Variants in PKHD1 observed in about 807,000 individuals in gnomAD.
The protein encoded by PKHD1 is fibrocystin.
A neutral mutation model predicts 412.0 loss-of-function variants in PKHD1; 291 were observed. That is an observed-to-expected ratio of 0.71 (90% CI 0.64 to 0.78). The LOEUF is 0.78. PKHD1 is among the 30% of genes least tolerant of loss of function. PKHD1 has a pLI of 0.00. For synonymous variants in PKHD1, 1,777 were observed against 1,821.5 expected (o/e 0.98, Z 0.62); for missense variants, 4,825 against 4,950.7 (o/e 0.97, Z 0.76).
At chr6:52,058,895 C>T (rs1414898956) in intron 15 of PKHD1, among the ~76,000 whole-genome samples, 1 of 152,092 alleles carries the variant, frequency 6.6e-6, no homozygotes, top group Non-Finnish European at 1.5e-5. Flanking sequence ...GATTACATGA[C>T]ACTATGGAGA....
rs749769981 is a variant in PKHD1 at position 51,906,233 on chromosome 6, C to T, written c.6790G>A (p.Gly2264Ser). Residue 2264 changes from glycine (G) to serine (S), a missense_variant, in exon 41 of 67, where the codon GGT (glycine) becomes AGT (serine). Physicochemically the swap from Gly to Ser is moderately conservative, Grantham distance 56. Transcript: ENST00000371117. Reference protein sequence around the residue: ...VDSNVFYNILGHALLVGTCTE... With the variant: ...VDSNVFYNILSHALLVGTCTE... The stretch of plus-strand genomic sequence containing the variant: ...TACTTACCAACTAGCAGCGCATGAC[C>T]TAAAATATTGTAGAATACATTACTG... 1 of 1,612,154 alleles carries T rather than the reference C, an allele frequency of 6.2e-7. No individual in the cohort carries two copies. The highest frequency in any genetic ancestry group is 1.7e-5 in the Admixed American group (1 of 59,900).
Position 52,035,624 on chromosome 6 carries a change from A to G in PKHD1, c.3195T>C (p.Asn1065=), listed in dbSNP as rs1439238243. Residue 1065 remains asparagine, a synonymous_variant, in exon 28 of 67, where the codon AAT becomes AAC. Transcript: ENST00000371117. ...GAACTTTGCACTGAATTCTGCTTGA[A>G]TTGCTTGTAGCGACATTGATGGCAC... The part of the protein sequence containing the change: ...YSCAINVATS[N]SSRIQCKVPP... The G allele has an allele frequency of 6.2e-7, 1 of 1,614,066 alleles. No individual in the cohort carries two copies. Among genetic ancestry groups the G allele is most frequent in the African/African-American group, 1.3e-5 (1 of 75,034 alleles).
At chr6:51,897,170 A>G (rs1481158859) in intron 43 of PKHD1, among the ~76,000 whole-genome samples, 1 of 152,180 alleles carries the variant, frequency 6.6e-6, no homozygotes, top group African/African-American at 2.4e-5. Flanking sequence ...GAACGCCACA[A>G]AGATATTCAT....
At chr6:51,704,741 G>C (rs778875503) in intron 60 of PKHD1, among the ~76,000 whole-genome samples, 1 of 152,036 alleles carries the variant, frequency 6.6e-6, no homozygotes, top group Non-Finnish European at 1.5e-5. Flanking sequence ...ATGTTGTCTA[G>C]GTAAAATAGT....
chr6:51,748,787 C>A, intron 57 of PKHD1, 122 bp from the exon 58 acceptor site: 1 of 814,222 alleles, frequency 1.2e-6, no homozygotes, highest in Non-Finnish European at 2.1e-6. Flanking sequence ...TTCTCAACAC[C>A]AACATTATAT....
intron 37 of PKHD1, among the ~76,000 whole-genome samples, chr6:51,916,770 C>A (rs972055700): frequency 1.3e-5 from 2 of 152,078 alleles, no homozygotes; most frequent in Non-Finnish European, 2.9e-5. Context: ...ATCAAAAACA[C>A]ATAAAACTAC....
chr6:51,620,388 G>C (rs924581967), intron 66 of PKHD1, among the ~76,000 whole-genome samples: 7 of 152,076 alleles, frequency 4.6e-5, no homozygotes, highest in Admixed American at 4.6e-4. Context: ...AGTTAAGAAT[G>C]TTCAGTGGGA....
intron 43 of PKHD1, 34 bp downstream of exon 43, chr6:51,903,563 G>C (rs774568170): frequency 2.8e-5 from 45 of 1,598,612 alleles, no homozygotes; most frequent in Non-Finnish European, 3.8e-5. Context: ...TGCCCTCTCA[G>C]TTCTGGTCTT....
At chr6:52,044,236 C>T (rs1229090850) in intron 25 of PKHD1, among the ~76,000 whole-genome samples, 1 of 152,110 alleles carries the variant, frequency 6.6e-6, no homozygotes, top group Non-Finnish European at 1.5e-5. Context: ...ATATCTTTCC[C>T]TTTCACTGGA....
chr6:51,912,404 A>G lies in PKHD1; in HGVS notation c.6294T>C (p.Thr2098=). 1 of 1,612,876 alleles carries G rather than the reference A, an allele frequency of 6.2e-7. No homozygotes were observed. The highest frequency in any genetic ancestry group is 8.5e-7 in the Non-Finnish European group (1 of 1,179,034). ...KPMEEIVTVE[T]VQDTDLYLKS... ...TAAGATAGAGGTCTGTATCCTGCAC[A>G]GTTTCCACAGTGACAATCTCTTCCA... The change falls in exon 38 of 67, where the codon ACT becomes ACC. Residue 2098 remains threonine, a synonymous_variant. Transcript: ENST00000371117.
chr6:51,932,656 A>G, intron 37 of PKHD1, among the ~76,000 whole-genome samples: 1 of 152,322 alleles, frequency 6.6e-6, no homozygotes, highest in Non-Finnish European at 1.5e-5. Context: ...TTGCTGATGA[A>G]GATAGGAGGT....
chr6:52,058,842 G>A (rs1427639955), intron 15 of PKHD1, among the ~76,000 whole-genome samples: 8 of 151,980 alleles, frequency 5.3e-5, no homozygotes, highest in Admixed American at 4.6e-4. Context: ...AATGAGAATA[G>A]ATGGGCCATG....
At chr6:52,048,980 G>T (rs571612209) in intron 22 of PKHD1, among the ~76,000 whole-genome samples, 1 of 152,314 alleles carries the variant, frequency 6.6e-6, no homozygotes, top group South Asian at 2.1e-4. Flanking sequence ...TAAAGCACGG[G>T]TTCAAACTTT....
intron 37 of PKHD1, among the ~76,000 whole-genome samples, chr6:51,932,199 A>G (rs1014754964): frequency 1.3e-5 from 2 of 152,208 alleles, no homozygotes; most frequent in African/African-American, 4.8e-5. Context: ...TTTTCTTGAC[A>G]TTTGCTTAAC....
chr6:51,884,522 T>G (rs1777894528), intron 45 of PKHD1, among the ~76,000 whole-genome samples: 1 of 152,214 alleles, frequency 6.6e-6, no homozygotes, highest in Admixed American at 6.5e-5. Flanking sequence ...TTAAATTTGC[T>G]GCTATTATGT....
rs1423204113 is a variant in PKHD1, at chr6:51,830,937, C to T, written c.8226G>A (p.Trp2742Ter). The T allele has an allele frequency of 6.2e-7, 1 of 1,611,798 alleles. No individual in the cohort carries two copies. Among genetic ancestry groups the T allele is most frequent in the Non-Finnish European group, 8.5e-7 (1 of 1,178,296 alleles). ...SALKWSLPET[W>*]QGVEEGWGGY... ...CTCCCCAGCCTTCTTCAACACCTTG[C>T]CATGTTTCAGGGAGGGACCATTTTA... Residue 2742 changes from tryptophan to a stop codon, truncating the protein, a stop_gained, in exon 52 of 67, where the codon TGG becomes TGA. Transcript: ENST00000371117. LOFTEE classifies it high-confidence loss of function.
intron 60 of PKHD1, among the ~76,000 whole-genome samples, chr6:51,672,904 G>C (rs1775233341): frequency 6.6e-6 from 1 of 152,182 alleles, no homozygotes; most frequent in South Asian, 2.1e-4. Context: ...CAGTGATCAT[G>C]ACAATTTCAA....
At chr6:51,748,896 C>T (rs1011917398) in intron 57 of PKHD1, among the ~76,000 whole-genome samples, 1 of 152,056 alleles carries the variant, frequency 6.6e-6, no homozygotes, top group East Asian at 1.9e-4. Context: ...GGTGACAGGA[C>T]AGGGAAAGAT....
Position 52,062,589 on chromosome 6 carries a change from AC to A in PKHD1, c.1047del (p.Tyr350ThrfsTer63). ...EGLELTEATP[G>X]YRWQIVPNAS... ...GCATTAGGGACAATCTGCCACCTGT[AC>A]CCTGGGGTGGCTTCAGTCAGTTCCA... On this transcript the variant is annotated frameshift_variant, in exon 14 of 67. Transcript: ENST00000371117. LOFTEE classifies it high-confidence loss of function. 6.2e-7 allele frequency: 1 copy of A among 1,613,924 alleles called. No individual in the cohort carries two copies. The highest frequency in any genetic ancestry group is 8.5e-7 in the Non-Finnish European group (1 of 1,179,802).
Sources: gnomAD v4.1 joint callset for allele counts (sites outside exome capture counted in the v4.1 genomes callset) on GRCh38, gnomAD v4.1.1 for gene constraint, MANE v1.5 for transcripts, NCBI Gene and HGNC (gene_info 2026-07-23, HGNC 2026-07-21) for gene names.